Variants in RPA1 observed in about 807,000 individuals in gnomAD.
RPA1 encodes replication protein A1, also known as replication protein A 70 kDa DNA-binding subunit.
In RPA1, 49 loss-of-function variants were observed where a neutral mutation model predicts 83.0. That is an observed-to-expected ratio of 0.59 (90% confidence interval 0.47 to 0.75). The LOEUF (loss-of-function observed/expected upper bound fraction) is 0.75. Ranked by LOEUF, RPA1 falls within the 30% of genes least tolerant of loss-of-function variation. The pLI, the probability that RPA1 is intolerant of heterozygous loss-of-function variation, is 0.00. For synonymous variants in RPA1, 279 were observed against 281.8 expected, an observed-to-expected ratio of 0.99 and a Z score of 0.10; for missense variants, 693 against 776.1, an observed-to-expected ratio of 0.89 and a Z score of 1.27.
chr17:1,891,249 C>T (rs3786133), intron 14 of RPA1, among the ~76,000 whole-genome samples: 49,758 of 152,114 alleles, frequency 0.33, 10,578 homozygotes, highest in Non-Finnish European at 0.49. Flanking sequence ...TTTCCTTTGC[C>T]AGGTCAATTT....
At chr17:1,870,268 T>C (rs1405077958) in intron 5 of RPA1, among the ~76,000 whole-genome samples, 1 of 152,192 alleles carries the variant, frequency 6.6e-6, no homozygotes. Flanking sequence ...AATTCATACG[T>C]ATTACAGGGC....
chr17:1,861,942 C>G (rs145420769), intron 5 of RPA1, among the ~76,000 whole-genome samples: 48 of 151,932 alleles, frequency 3.2e-4, no homozygotes, highest in African/African-American at 1.1e-3. Flanking sequence ...CTGTGTCGCC[C>G]AGGCTGGAGT....
rs1159810085 is a variant in RPA1 at position 1,864,313 on chromosome 17, A to G, written c.362-8121A>G. Among the ~76,000 whole-genome samples, 5 of 152,166 alleles carry G rather than the reference A, an allele frequency of 3.3e-5. No individual in the cohort carries two copies. In the East Asian group the frequency reaches 5.8e-4, roughly 18 times the overall value. On this transcript the variant is annotated intron_variant, in intron 5 of 16. Transcript: ENST00000254719. ...GCACTTTGGGAGGCTGAGGTGGGCGAATCACCTGAGGTCAGGAGTTTGAGA... is the reference window on the plus strand; with the variant it reads ...GCACTTTGGGAGGCTGAGGTGGGCGGATCACCTGAGGTCAGGAGTTTGAGA...
At chr17:1,853,379 TAGAA>T (rs1912572621) in intron 5 of RPA1, among the ~76,000 whole-genome samples, 190 bp downstream of exon 5, 1 of 152,106 alleles carries the variant, frequency 6.6e-6, no homozygotes, top group African/African-American at 2.4e-5. Flanking sequence ...AGGGCACAAT[TAGAA>T]AGCAATGGAC....
In RPA1 at chr17:1,875,725, G is replaced by A. The variant is rs960604360; in HGVS notation, c.519G>A (p.Leu173=). 1 of 1,614,062 alleles carries A rather than the reference G, an allele frequency of 6.2e-7. No individual in the cohort carries two copies. Among genetic ancestry groups the A allele is most frequent in the Non-Finnish European group, 8.5e-7 (1 of 1,180,044 alleles). The stretch of plus-strand genomic sequence containing the variant: ...TTGGAAAAGCTGCAGGTCCCAGCCT[G>A]TCACACACTTCTGGGGGAACACAGT... ...KTFGKAAGPS[L]SHTSGGTQSK... Residue 173 remains leucine, a synonymous_variant, in exon 7 of 17, where the codon CTG becomes CTA. Coordinates refer to ENST00000254719, the MANE Select transcript of RPA1 (RefSeq NM_002945.5).
In RPA1 at chr17:1,898,463, G is replaced by A. The variant is rs139398055; in HGVS notation, c.*1288G>A. ...CCTAATCATATTAATTATCTATCCG[G>A]TGGCTGCAACACACCGCCTGCCATT... On this transcript the variant is annotated 3_prime_UTR_variant, in exon 17 of 17. Coordinates refer to ENST00000254719, the MANE Select transcript of RPA1 (RefSeq NM_002945.5). 6.6e-6 allele frequency: 1 copy of A among 152,242 alleles called. No homozygotes were observed. The highest frequency in any genetic ancestry group is 1.9e-4 in the East Asian group (1 of 5,202). 9.4% of individuals were successfully genotyped at this position (152,242 alleles called of 1,614,324 possible).
intron 4 of RPA1, among the ~76,000 whole-genome samples, chr17:1,851,493 G>A (rs1446579534): frequency 6.6e-6 from 1 of 152,130 alleles, no homozygotes; most frequent in Non-Finnish European, 1.5e-5. Flanking sequence ...TCCCTGTAAA[G>A]TCACTTAATG....
Position 1,840,104 on chromosome 17 carries a change from A to T in RPA1, c.34-2699A>T, listed in dbSNP as rs181583799. Among the ~76,000 whole-genome samples, 8 of 150,780 alleles carry T rather than the reference A, an allele frequency of 5.3e-5. No individual in the cohort carries two copies. The East Asian group carries it at 1.6e-3, about 30-fold the overall frequency. On this transcript the variant is annotated intron_variant, in intron 1 of 16. Coordinates refer to ENST00000254719, the MANE Select transcript of RPA1 (RefSeq NM_002945.5). ...GAAGTATAGAGAAACAAAGTACAAT[A>T]AAAAAAAAGAAAAAGAAAATGAAAA...
chr17:1,835,793 C>T (rs1219512202), intron 1 of RPA1, among the ~76,000 whole-genome samples: 3 of 152,126 alleles, frequency 2.0e-5, no homozygotes, highest in Non-Finnish European at 4.4e-5. Flanking sequence ...GAATCCCCCT[C>T]ATACATGCAC....
rs567765289 is a variant in RPA1, at chr17:1,858,710, G to A, written c.361+5521G>A. Among the ~76,000 whole-genome samples the A allele has an allele frequency of 6.6e-5, 10 of 151,544 alleles. No homozygotes were observed. In the South Asian group the frequency reaches 1.7e-3, roughly 25 times the overall value. On this transcript the variant is annotated intron_variant, in intron 5 of 16. Transcript: ENST00000254719. ...GAACTCCTGCCCTCAAGTGATCTGC[G>A]TGCCTCAGCCTCCCAAAGTGCTGGA...
At chr17:1,888,538 T>A (rs1914078070) in intron 13 of RPA1, 137 bp from the exon 14 acceptor site, 4 of 773,058 alleles carry the variant, frequency 5.2e-6, no homozygotes, top group Non-Finnish European at 4.0e-6. Context: ...AATGAATGAT[T>A]CCCTGTGATC....
At chr17:1,894,890 C>A in intron 15 of RPA1, 119 bp from the exon 16 acceptor site, 1 of 716,372 alleles carries the variant, frequency 1.4e-6, no homozygotes, top group Middle Eastern at 2.9e-4. Context: ...ATGAGTCATT[C>A]CTAAGTAATT....
intron 1 of RPA1, among the ~76,000 whole-genome samples, chr17:1,835,262 C>T (rs1302259602): frequency 6.6e-6 from 1 of 152,052 alleles, no homozygotes; most frequent in Non-Finnish European, 1.5e-5. Context: ...GATCCTTCCA[C>T]CTCAACCTCT....
intron 1 of RPA1, among the ~76,000 whole-genome samples, chr17:1,842,598 TAA>T (rs1265654974): frequency 6.6e-6 from 1 of 152,218 alleles, no homozygotes; most frequent in Non-Finnish European, 1.5e-5. Context: ...AGAGATGTGC[TAA>T]GTGTTTCCTT....
intron 14 of RPA1, among the ~76,000 whole-genome samples, chr17:1,890,816 T>A (rs1209827125): frequency 1.3e-5 from 2 of 152,258 alleles, no homozygotes; most frequent in Non-Finnish European, 2.9e-5. Flanking sequence ...AACATCAGCC[T>A]TTCTGTTAAA....
chr17:1,872,168 A>C, intron 5 of RPA1: 2 of 467,818 alleles, frequency 4.3e-6, no homozygotes, highest in Non-Finnish European at 7.8e-6. Flanking sequence ...GCAAGGCTTT[A>C]GGGGAGAACC....
chr17:1,860,603 A>G (rs1347776585), intron 5 of RPA1, among the ~76,000 whole-genome samples: 1 of 152,120 alleles, frequency 6.6e-6, no homozygotes, highest in East Asian at 1.9e-4. Flanking sequence ...ACTCATCTAC[A>G]TCTCTGCTTA....
chr17:1,877,901 T>C (rs1276415887), intron 8 of RPA1, among the ~76,000 whole-genome samples: 1 of 152,220 alleles, frequency 6.6e-6, no homozygotes, highest in Non-Finnish European at 1.5e-5. Context: ...TACGACAGTC[T>C]TGATAGCTGT....
At chr17:1,849,371 C>T (rs941473588) in intron 4 of RPA1, among the ~76,000 whole-genome samples, 1 of 148,288 alleles carries the variant, frequency 6.7e-6, no homozygotes, top group African/African-American at 2.5e-5. Flanking sequence ...CGGCTCACTG[C>T]AAGCTCCGCC....
Sources: allele counts gnomAD v4.1 joint callset (sites outside exome capture counted in the v4.1 genomes callset), GRCh38; gene constraint gnomAD v4.1.1; transcripts MANE v1.5; gene names NCBI Gene and HGNC (gene_info 2026-07-23, HGNC 2026-07-21).